The following RHPN2 variants were observed in gnomAD, a reference collection of about 807,000 sequenced individuals.
RHPN2 encodes the protein rhophilin-2.
A neutral mutation model predicts 79.0 loss-of-function variants in RHPN2; 40 were observed. The observed-to-expected ratio is 0.51, with a 90% CI of 0.39 to 0.66. RHPN2 has a LOEUF of 0.66. Among genes scored for constraint, RHPN2 ranks in the 30% least tolerant of loss-of-function variants. RHPN2 has a pLI of 0.00. For missense variants in RHPN2, 686 were observed against 883.5 expected, an observed-to-expected ratio of 0.78 and a Z score of 2.83; for synonymous variants, 285 against 363.5, an observed-to-expected ratio of 0.78 and a Z score of 2.46.
intron 2 of RHPN2, among the ~76,000 whole-genome samples, chr19:33,028,733 A>G (rs1971987005): frequency 6.6e-6 from 1 of 152,224 alleles, no homozygotes; most frequent in African/African-American, 2.4e-5. Context: ...TTTTTAATAG[A>G]AATCGGCAAG....
Position 33,026,498 on chromosome 19 carries a change from A to G in RHPN2, c.314+6T>C. 1 of 1,607,314 alleles carries G rather than the reference A, an allele frequency of 6.2e-7. No homozygotes were observed. Among genetic ancestry groups the G allele is most frequent in the Non-Finnish European group, 8.5e-7 (1 of 1,178,976 alleles). ...GGCTTTTGGAAGGTGTGCTGCTCCC[A>G]CTTACTCTGTGTTCTGATAGACGCC... is the stretch of plus-strand genomic sequence containing the variant. On this transcript the variant is annotated splice_donor_region_variant and intron_variant, in intron 3 of 14. Coordinates refer to ENST00000254260, the MANE Select transcript of RHPN2 (RefSeq NM_033103.5).
rs778938122 is a variant in RHPN2 at position 33,007,982 on chromosome 19, G to T, written c.760+32C>A. 2.5e-6 allele frequency: 4 copies of T among 1,611,108 alleles called. No homozygotes were observed. The African/African-American group carries it at 4.0e-5, about 16-fold the overall frequency. On this transcript the variant is annotated intron_variant, in intron 7 of 14. Transcript: ENST00000254260. The stretch of plus-strand genomic sequence containing the variant: ...CCTGGTGCCACCGGGTGGGGCCAAG[G>T]CTCCGTCTGGTCAGCCCTGGAGGAG...
chr19:33,045,278 T>C (rs771997872), intron 1 of RHPN2, among the ~76,000 whole-genome samples: 9 of 151,550 alleles, frequency 5.9e-5, no homozygotes, highest in Non-Finnish European at 8.8e-5. Flanking sequence ...TCTTGAACTC[T>C]TGACTTCAAG....
chr19:33,046,265 T>C (rs1369469758), intron 1 of RHPN2, among the ~76,000 whole-genome samples: 1 of 152,136 alleles, frequency 6.6e-6, no homozygotes, highest in African/African-American at 2.4e-5. Context: ...TTTGTTTTTA[T>C]TTTTGATTCT....
chr19:32,993,331 G>A (rs1167324000), intron 12 of RHPN2, among the ~76,000 whole-genome samples: 1 of 151,924 alleles, frequency 6.6e-6, no homozygotes, highest in South Asian at 2.1e-4. Context: ...AAAATTAGCT[G>A]AGCGTAGTGG....
chr19:33,061,748 T>C (rs1305730446), intron 1 of RHPN2, among the ~76,000 whole-genome samples: 4 of 152,064 alleles, frequency 2.6e-5, no homozygotes, highest in Admixed American at 2.6e-4. Context: ...CATCTCAAAA[T>C]ACTGGGATTA....
rs767183861 is a variant in RHPN2 at position 32,996,124 on chromosome 19, T to C, written c.1322A>G (p.Lys441Arg). The change falls in exon 11 of 15, where the codon AAG becomes AGG. Residue 441 changes from lysine to arginine, a missense_variant. Lys to Arg is a conservative substitution (Grantham distance 26). Transcript: ENST00000254260. ...GCGTTCCTGTGCGGCACACAGCACC[T>C]TCTGTAGCACCTCAATGCTCCGCAG... The part of the protein sequence containing the change: ...KKLRSIEVLQ[K>R]VLCAAQERSR... 2 of 1,614,008 alleles carry C rather than the reference T, an allele frequency of 1.2e-6. No homozygotes were observed. The highest frequency in any genetic ancestry group is 3.3e-5 in the Admixed American group (2 of 59,990).
intron 2 of RHPN2, among the ~76,000 whole-genome samples, chr19:33,030,452 G>A (rs1472896730): frequency 6.6e-6 from 1 of 151,990 alleles, no homozygotes; most frequent in African/African-American, 2.4e-5. Context: ...AATTAGCCAG[G>A]CATAGTGGCA....
Position 33,011,721 on chromosome 19 carries a change from C to A in RHPN2, c.551G>T (p.Arg184Leu). 6.2e-7 allele frequency: 1 copy of A among 1,613,928 alleles called. No individual in the cohort carries two copies. Among genetic ancestry groups the A allele is most frequent in the Non-Finnish European group, 8.5e-7 (1 of 1,179,856 alleles). The change falls in exon 6 of 15, where the codon CGA becomes CTA. Residue 184 changes from arginine (R) to leucine (L), a missense_variant. Transcript: ENST00000254260. ...YFIQLGFVES[R>L]FFPPTRQMGL... ...CATCTGCCGTGTGGGCGGGAAGAAT[C>A]GACTCTCGACAAAGCCCAGCTGGAT...
In RHPN2 at chr19:33,011,811, G is replaced by A. The variant is rs201914064; in HGVS notation, c.469-8C>T. The A allele has an allele frequency of 6.2e-7, 1 of 1,613,924 alleles. No homozygotes were observed. ...GCTAGGCGTCCGACAAGCCTGCAAG[G>A]AAAAGAACCCAAGAGGGCATGAGCA... is the stretch of plus-strand genomic sequence containing the variant. On this transcript the variant is annotated splice_region_variant and splice_polypyrimidine_tract_variant and intron_variant, in intron 5 of 14. Coordinates refer to ENST00000254260, the MANE Select transcript of RHPN2 (RefSeq NM_033103.5).
At chr19:33,040,338 G>A (rs1483093657) in intron 2 of RHPN2, among the ~76,000 whole-genome samples, 1 of 143,086 alleles carries the variant, frequency 7.0e-6, no homozygotes, top group East Asian at 2.2e-4. Flanking sequence ...CCAGGTTCAC[G>A]CCATTCTCCT....
At chr19:33,017,304 G>A (rs1476052021) in intron 4 of RHPN2, among the ~76,000 whole-genome samples, 1 of 151,968 alleles carries the variant, frequency 6.6e-6, no homozygotes, top group Non-Finnish European at 1.5e-5. Flanking sequence ...AACCCAGGAG[G>A]CAGAGGTTGC....
At chr19:32,986,380 T>A (rs1453954751) in intron 14 of RHPN2, among the ~76,000 whole-genome samples, 2 of 152,080 alleles carry the variant, frequency 1.3e-5, no homozygotes. Context: ...ACGTCTTTTC[T>A]GTTTCTGCTG....
intron 7 of RHPN2, 57 bp downstream of exon 7, chr19:33,007,957 C>T (rs1971806064): frequency 1.9e-6 from 3 of 1,598,528 alleles, no homozygotes; most frequent in Middle Eastern, 2.3e-4. Flanking sequence ...TGGGGGGTCC[C>T]CTGGTGCCAC....
At chr19:33,040,241 T>TC (rs1439660085) in intron 2 of RHPN2, among the ~76,000 whole-genome samples, 15 of 146,156 alleles carry the variant, frequency 1.0e-4, no homozygotes, top group Admixed American at 6.8e-4. Flanking sequence ...CTTTTTTTTT[T>TC]TTTTTTTTTT....
intron 3 of RHPN2, among the ~76,000 whole-genome samples, chr19:33,023,884 C>G (rs1474046326): frequency 6.6e-6 from 1 of 152,104 alleles, no homozygotes; most frequent in African/African-American, 2.4e-5. Context: ...CCCAATGACA[C>G]AGGGCAGTGA....
At chr19:33,061,491 T>TG (rs906175067) in intron 1 of RHPN2, among the ~76,000 whole-genome samples, 6 of 150,128 alleles carry the variant, frequency 4.0e-5, no homozygotes, top group African/African-American at 1.5e-4. Context: ...TTTTTTTTTT[T>TG]GGGTTGCAGG....
At chr19:33,055,253 G>T (rs1972222449) in intron 1 of RHPN2, among the ~76,000 whole-genome samples, 1 of 152,118 alleles carries the variant, frequency 6.6e-6, no homozygotes, top group Non-Finnish European at 1.5e-5. Flanking sequence ...CCAGCTAGTT[G>T]GGAGGCTGAG....
chr19:32,990,424 CAG>C (rs1971648371), intron 14 of RHPN2, 88 bp downstream of exon 14: 1 of 1,368,516 alleles, frequency 7.3e-7, no homozygotes, highest in African/African-American at 1.4e-5. Flanking sequence ...AGGCAGGAGA[CAG>C]AGGGTCTGGT....
Sources: gnomAD v4.1 joint callset for allele counts (sites outside exome capture counted in the v4.1 genomes callset) on GRCh38, gnomAD v4.1.1 for gene constraint, MANE v1.5 for transcripts, NCBI Gene and HGNC (gene_info 2026-07-23, HGNC 2026-07-21) for gene names.